The following CYP4X1 variants were observed in gnomAD, a reference collection of about 807,000 sequenced individuals.
The protein encoded by CYP4X1 is cytochrome P450 family 4 subfamily X member 1.
Under a neutral mutation model 57.9 loss-of-function variants are expected in CYP4X1, and 44 were observed. The observed-to-expected ratio is 0.76, with a 90% CI of 0.60 to 0.98. CYP4X1 has a LOEUF of 0.98. Ranked by LOEUF, CYP4X1 falls within the 50% of genes least tolerant of loss-of-function variation. CYP4X1 has a pLI of 0.00. For missense variants in CYP4X1, 532 were observed against 623.9 expected (o/e 0.85, Z 1.57); for synonymous variants, 227 against 228.6 (o/e 0.99, Z 0.06).
chr1:47,039,471 C>A lies in CYP4X1; in HGVS notation c.1012C>A (p.His338Asn). The change falls in exon 8 of 12, where the codon CAT becomes AAT. Residue 338 changes from histidine to asparagine, a missense_variant. His to Asn is a moderately conservative substitution (Grantham distance 68). Coordinates refer to ENST00000371901, the MANE Select transcript of CYP4X1 (RefSeq NM_178033.2). ...ILYCLALNPE[H>N]QERCREEVRG... is the part of the protein sequence containing the mutation. ...TTACTGCCTGGCTCTGAACCCTGAG[C>A]ATCAAGAGAGATGCCGGGAGGAGGT... is the stretch of plus-strand genomic sequence containing the variant. 6.2e-7 allele frequency: 1 copy of A among 1,613,518 alleles called. No individual in the cohort carries two copies. The highest frequency in any genetic ancestry group is 8.5e-7 in the Non-Finnish European group (1 of 1,179,752).
chr1:47,003,265 G>C, the CYP4X1 span: 16 of 152,176 alleles, frequency 1.1e-4, no homozygotes, highest in Non-Finnish European at 1.8e-4. Flanking sequence ...TCAATCAGCA[G>C]AAGTTAGAAA....
the CYP4X1 span, among the ~76,000 whole-genome samples, chr1:46,963,091 T>C: frequency 6.6e-6 from 1 of 152,188 alleles, no homozygotes; most frequent in African/African-American, 2.4e-5. Flanking sequence ...CTTTTTTTTG[T>C]TTTCCATTTG....
At chr1:47,007,124 G>A in the CYP4X1 span, among the ~76,000 whole-genome samples, 2 of 152,238 alleles carry the variant, frequency 1.3e-5, no homozygotes, top group African/African-American at 4.8e-5. Context: ...CAGACAGACT[G>A]CCTCCTCAGG....
At chr1:46,973,397 A>G in the CYP4X1 span, among the ~76,000 whole-genome samples, 1 of 151,780 alleles carries the variant, frequency 6.6e-6, no homozygotes, top group Non-Finnish European at 1.5e-5. Context: ...TCTTTTTTCA[A>G]AGTTTCTCTT....
At chr1:46,979,806 T>G in the CYP4X1 span, among the ~76,000 whole-genome samples, 1 of 152,132 alleles carries the variant, frequency 6.6e-6, no homozygotes, top group Non-Finnish European at 1.5e-5. Flanking sequence ...ATTCCTGGAA[T>G]GCAAGGCTGG....
chr1:46,990,543 T>G, the CYP4X1 span, among the ~76,000 whole-genome samples: 1 of 152,216 alleles, frequency 6.6e-6, no homozygotes, highest in Admixed American at 6.5e-5. Flanking sequence ...AGCAATCCGA[T>G]TACTGGGTAT....
intron 7 of CYP4X1, 83 bp from the exon 8 acceptor site, chr1:47,039,259 C>A: frequency 7.9e-7 from 1 of 1,263,354 alleles, no homozygotes; most frequent in Non-Finnish European, 1.1e-6. Context: ...TCTGATTTTT[C>A]CCCTCAAATC....
At chr1:47,052,819 A>T (rs1425537215), downstream of CYP4X1, among the ~76,000 whole-genome samples, 1 of 152,096 alleles carries the variant, frequency 6.6e-6, no homozygotes, top group Non-Finnish European at 1.5e-5. Flanking sequence ...TAAAATAAAA[A>T]AATGCCTGTT....
downstream of CYP4X1, among the ~76,000 whole-genome samples, chr1:47,054,231 A>T (rs1267049039): frequency 6.6e-6 from 1 of 151,950 alleles, no homozygotes; most frequent in Non-Finnish European, 1.5e-5. Context: ...ATAGTTGTAG[A>T]TATGCAGCAT....
chr1:46,990,355 A>G, the CYP4X1 span, among the ~76,000 whole-genome samples: 2 of 152,230 alleles, frequency 1.3e-5, no homozygotes, highest in African/African-American at 4.8e-5. Flanking sequence ...ATGAGATACC[A>G]TCTCAAGCCA....
At chr1:46,980,328 C>A in the CYP4X1 span, among the ~76,000 whole-genome samples, 1 of 152,006 alleles carries the variant, frequency 6.6e-6, no homozygotes, top group Non-Finnish European at 1.5e-5. Context: ...TCTTATACAC[C>A]AATAACAGAC....
At chr1:46,990,896 G>A in the CYP4X1 span, among the ~76,000 whole-genome samples, 2 of 152,018 alleles carry the variant, frequency 1.3e-5, no homozygotes, top group African/African-American at 4.8e-5. Context: ...ACTGGGGCCT[G>A]TTGGGGGCGG....
In CYP4X1 at chr1:47,034,239, A is replaced by T. The variant is rs187574342; in HGVS notation, c.492+871A>T. ...ACTTGCCCAGTGGCTATAAAGGACC[A>T]AGCAAAAGAGAATGTGTGTATTAAA... is the stretch of plus-strand genomic sequence containing the variant. On this transcript the variant is annotated intron_variant, in intron 4 of 11. Transcript: ENST00000371901. 1.3e-3 allele frequency among the ~76,000 whole-genome samples: 200 copies of T among 152,308 alleles called. 1 individual carries two copies. The highest frequency in any genetic ancestry group is 4.7e-3 in the African/African-American group (195 of 41,570).
At chr1:47,014,188 T>C in the CYP4X1 span, among the ~76,000 whole-genome samples, 8 of 152,310 alleles carry the variant, frequency 5.3e-5, no homozygotes, top group African/African-American at 1.9e-4. Context: ...TTCAAAACTG[T>C]CTATGACTGG....
At chr1:47,035,965 T>A in intron 5 of CYP4X1, 32 bp downstream of exon 5, 1 of 1,611,818 alleles carries the variant, frequency 6.2e-7, no homozygotes, top group East Asian at 2.2e-5. Flanking sequence ...AAGATATTTC[T>A]TCACATTTTC....
chr1:46,996,865 A>G, the CYP4X1 span, among the ~76,000 whole-genome samples: 1 of 152,236 alleles, frequency 6.6e-6, no homozygotes, highest in Non-Finnish European at 1.5e-5. Flanking sequence ...GATGGGTTAC[A>G]TCACCATCCT....
intron 3 of CYP4X1, 116 bp from the exon 4 acceptor site, chr1:47,033,125 C>A: frequency 1.8e-6 from 2 of 1,122,544 alleles, no homozygotes; most frequent in Non-Finnish European, 2.5e-6. Flanking sequence ...CTTTGATACT[C>A]CACTGTTGCA....
In CYP4X1 at chr1:47,033,254, G is replaced by A. The variant is rs763220237; in HGVS notation, c.378G>A (p.Ala126=). ...TTATTTCTCAAGGAAAAGGACTAGC[G>A]GCTCTAGACGGACCCAAGTGGTTCC... The part of the protein sequence containing the change: ...FSPPLLGKGL[A]ALDGPKWFQH... The change falls in exon 4 of 12, where the codon GCG becomes GCA. Residue 126 remains alanine (A), a synonymous_variant. Transcript: ENST00000371901. 1.8e-5 allele frequency: 29 copies of A among 1,612,714 alleles called. 1 individual carries two copies. In the East Asian group the frequency reaches 2.0e-4, roughly 11 times the overall value.
chr1:47,012,296 A>T, the CYP4X1 span, among the ~76,000 whole-genome samples: 10 of 152,220 alleles, frequency 6.6e-5, no homozygotes, highest in African/African-American at 2.4e-4. Context: ...TTCTCAGCAA[A>T]CTATCACAAG....
Sources: allele counts gnomAD v4.1 joint callset (sites outside exome capture counted in the v4.1 genomes callset), GRCh38; gene constraint gnomAD v4.1.1; transcripts MANE v1.5; gene names NCBI Gene and HGNC (gene_info 2026-07-23, HGNC 2026-07-21).